The following ARHGEF17 variants were observed in gnomAD, a reference collection of about 807,000 sequenced individuals.
The protein encoded by ARHGEF17 is Rho guanine nucleotide exchange factor 17.
In ARHGEF17, 80 loss-of-function variants were observed where a neutral mutation model predicts 174.0. The observed-to-expected ratio is 0.46, with a 90% confidence interval of 0.38 to 0.55. ARHGEF17 has a LOEUF of 0.55. Among genes scored for constraint, ARHGEF17 ranks in the 20% least tolerant of loss-of-function variants. The probability of loss-of-function intolerance (pLI) is 0.00; values close to 1 mark genes in which losing one functional copy is unlikely to be tolerated. For missense variants in ARHGEF17, 2,886 were observed against 2,839.7 expected (o/e 1.02, Z -0.37); for synonymous variants, 1,311 against 1,189.1 (o/e 1.10, Z -2.11).
In ARHGEF17 at chr11:73,352,958, C is replaced by G; in HGVS notation, c.3399C>G (p.His1133Gln). ...AGCAATTCCTGGAGCAGGTTCGGCA[C>G]TGCATGCAGACCTGGCATGCCCAGC... Reference protein sequence around the residue: ...HHEQFLEQVRHCMQTWHAQQK... With the variant: ...HHEQFLEQVRQCMQTWHAQQK... The change falls in exon 3 of 21, where the codon CAC becomes CAG. Residue 1133 changes from histidine (H) to glutamine (Q), a missense_variant. Coordinates refer to ENST00000263674, the MANE Select transcript of ARHGEF17 (RefSeq NM_014786.4). 1 of 1,614,132 alleles carries G rather than the reference C, an allele frequency of 6.2e-7. No individual in the cohort carries two copies. Among genetic ancestry groups the G allele is most frequent in the Non-Finnish European group, 8.5e-7 (1 of 1,180,040 alleles).
intron 1 of ARHGEF17, among the ~76,000 whole-genome samples, chr11:73,317,462 G>C (rs1203006634): frequency 6.6e-6 from 1 of 152,230 alleles, no homozygotes; most frequent in African/African-American, 2.4e-5. Flanking sequence ...CTGACTCCCA[G>C]ACCGTACATT....
intron 16 of ARHGEF17, 101 bp from the exon 17 acceptor site, chr11:73,364,071 C>G (rs779864142): frequency 3.0e-4 from 390 of 1,287,612 alleles, no homozygotes; most frequent in Non-Finnish European, 4.1e-4. Context: ...AAGAGGTGGC[C>G]TCTCGGGAGC....
At position 73,362,711 on chromosome 11, in the gene ARHGEF17, C is replaced by G. The variant is rs771561900; in HGVS notation, c.4973C>G (p.Ser1658Cys). Reference sequence around the variant, plus strand: ...ACGCTGCAGAGCCAGGCCAGCCGGTCCACCATCTCCTCCAGCTTTGGCAGT... The same window carrying G: ...ACGCTGCAGAGCCAGGCCAGCCGGTGCACCATCTCCTCCAGCTTTGGCAGT... Reference protein sequence around the residue: ...SGTLQSQASRSTISSSFGNEE... With the variant: ...SGTLQSQASRCTISSSFGNEE... Residue 1658 changes from serine to cysteine, a missense_variant, in exon 14 of 21, where the codon TCC (serine) becomes TGC (cysteine). By Grantham distance (112) the Ser-to-Cys change is moderately radical (BLOSUM62 -1). Transcript: ENST00000263674. 3 of 1,605,006 alleles carry G rather than the reference C, an allele frequency of 1.9e-6. 1 individual carries two copies. The South Asian group carries it at 3.3e-5, about 18-fold the overall frequency.
intron 1 of ARHGEF17, among the ~76,000 whole-genome samples, chr11:73,334,755 C>T (rs1166677002): frequency 6.6e-6 from 1 of 152,142 alleles, no homozygotes. Context: ...TGACTGCAGC[C>T]CTTCCCCCTG....
intron 1 of ARHGEF17, among the ~76,000 whole-genome samples, chr11:73,316,393 C>G (rs999348926): frequency 8.0e-5 from 12 of 150,520 alleles, no homozygotes; most frequent in Admixed American, 2.0e-4. Flanking sequence ...AGGGAGGAGG[C>G]CTGTCTGTAA....
chr11:73,314,379 C>T (rs1864894288), intron 1 of ARHGEF17, among the ~76,000 whole-genome samples: 1 of 152,122 alleles, frequency 6.6e-6, no homozygotes. Context: ...CACATTCGTG[C>T]TCTGTGTGGT....
intron 1 of ARHGEF17, among the ~76,000 whole-genome samples, chr11:73,319,410 C>A (rs929929843): frequency 3.9e-5 from 6 of 152,188 alleles, no homozygotes; most frequent in African/African-American, 1.4e-4. Flanking sequence ...GTTCTTAAAG[C>A]CTACCTGATA....
At chr11:73,335,193 A>G (rs1865266834) in intron 1 of ARHGEF17, among the ~76,000 whole-genome samples, 1 of 152,066 alleles carries the variant, frequency 6.6e-6, no homozygotes, top group Non-Finnish European at 1.5e-5. Flanking sequence ...TACCTACCCT[A>G]AGGCCTCATG....
At chr11:73,327,789 G>A (rs56184513) in intron 1 of ARHGEF17, among the ~76,000 whole-genome samples, 20,746 of 152,026 alleles carry the variant, frequency 0.14, 1,810 homozygotes, top group African/African-American at 0.25. Context: ...CGGGGGACAA[G>A]TACTTGATCT....
Position 73,362,254 on chromosome 11 carries a change from G to A in ARHGEF17, c.4694+15G>A. 2.7e-6 allele frequency: 4 copies of A among 1,500,092 alleles called. No homozygotes were observed. The highest frequency in any genetic ancestry group is 1.3e-5 in the South Asian group (1 of 78,382). 92.9% of individuals were successfully genotyped at this position (1,500,092 alleles called of 1,614,324 possible). Reference sequence around the variant, plus strand: ...CGCTGCCACCGGTGAGGCCTGGGCGGCGGGGTGGGCGGCACCGCGGGCCTG... The same window carrying A: ...CGCTGCCACCGGTGAGGCCTGGGCGACGGGGTGGGCGGCACCGCGGGCCTG... On this transcript the variant is annotated intron_variant, in intron 13 of 20. Transcript: ENST00000263674.
intron 1 of ARHGEF17, among the ~76,000 whole-genome samples, chr11:73,325,228 C>T (rs1240794421): frequency 1.3e-5 from 2 of 152,218 alleles, no homozygotes; most frequent in African/African-American, 4.8e-5. Context: ...CTCCCCCACC[C>T]CCAGCCTCCT....
intron 2 of ARHGEF17, among the ~76,000 whole-genome samples, chr11:73,352,624 C>T (rs912622741): frequency 1.1e-4 from 16 of 152,186 alleles, no homozygotes; most frequent in Non-Finnish European, 2.2e-4. Context: ...CATCTTGTGC[C>T]AGGCCCTGGG....
intron 1 of ARHGEF17, among the ~76,000 whole-genome samples, chr11:73,337,521 G>A (rs1268639574): frequency 6.6e-6 from 1 of 152,082 alleles, no homozygotes; most frequent in Non-Finnish European, 1.5e-5. Flanking sequence ...CAGAGCTCAA[G>A]TGATCCTCCT....
In ARHGEF17 at chr11:73,359,934, CCTTGGTTT is replaced by C. The variant is rs1865709082; in HGVS notation, c.4190_4197del (p.Leu1397ProfsTer53). The C allele has an allele frequency of 6.2e-7, 1 of 1,610,546 alleles. No individual in the cohort carries two copies. The highest frequency in any genetic ancestry group is 8.5e-7 in the Non-Finnish European group (1 of 1,178,478). ...GCCAAATGAGCAAGCTCTCTGAGAG[CCTTGGTTT>C]CCCCCACCAGGTCTGTGCCCTCTGC... On this transcript the variant is annotated frameshift_variant, in exon 10 of 21. Coordinates refer to ENST00000263674, the MANE Select transcript of ARHGEF17 (RefSeq NM_014786.4). LOFTEE classifies it high-confidence loss of function.
intron 2 of ARHGEF17, among the ~76,000 whole-genome samples, chr11:73,350,870 TC>T (rs1865541916): frequency 6.6e-6 from 1 of 152,274 alleles, no homozygotes; most frequent in South Asian, 2.1e-4. Context: ...CGTGCTTCTT[TC>T]CTGCCTCCCA....
intron 16 of ARHGEF17, 97 bp from the exon 17 acceptor site, chr11:73,364,075 C>T (rs1865795984): frequency 5.3e-6 from 7 of 1,317,466 alleles, no homozygotes; most frequent in Admixed American, 1.8e-5. Flanking sequence ...GGTGGCCTCT[C>T]GGGAGCCATA....
At chr11:73,323,689 G>A (rs544992577) in intron 1 of ARHGEF17, among the ~76,000 whole-genome samples, 2 of 152,366 alleles carry the variant, frequency 1.3e-5, no homozygotes, top group East Asian at 1.9e-4. Context: ...CAAGGCCAGC[G>A]GGGGCGTTGC....
At chr11:73,324,677 G>A (rs111639888) in intron 1 of ARHGEF17, among the ~76,000 whole-genome samples, 282 of 152,360 alleles carry the variant, frequency 1.9e-3, no homozygotes, top group African/African-American at 6.3e-3. Flanking sequence ...TCCAGAACCC[G>A]TGCTTAGGCC....
At chr11:73,328,234 A>T (rs1389227149) in intron 1 of ARHGEF17, among the ~76,000 whole-genome samples, 1 of 152,170 alleles carries the variant, frequency 6.6e-6, no homozygotes, top group African/African-American at 2.4e-5. Flanking sequence ...GGAGGCTTGG[A>T]GTTCCCCACG....
Sources: gnomAD v4.1 joint callset for allele counts (sites outside exome capture counted in the v4.1 genomes callset) on GRCh38, gnomAD v4.1.1 for gene constraint, MANE v1.5 for transcripts, NCBI Gene and HGNC (gene_info 2026-07-23, HGNC 2026-07-21) for gene names.